The following GRIK3 variants were observed in gnomAD, a reference collection of about 807,000 sequenced individuals.
The protein encoded by GRIK3 is glutamate ionotropic receptor kainate type subunit 3.
Under a neutral mutation model 102.5 loss-of-function variants are expected in GRIK3, and 29 were observed. That is an observed-to-expected ratio of 0.28 (90% CI 0.21 to 0.39). The LOEUF is 0.39. GRIK3 is among the 10% of genes least tolerant of loss of function. The pLI, the probability that GRIK3 is intolerant of heterozygous loss-of-function variation, is 1.00. For missense variants in GRIK3, 908 were observed against 1,252.4 expected, an observed-to-expected ratio of 0.73 and a Z score of 4.15; for synonymous variants, 511 against 504.9, an observed-to-expected ratio of 1.01 and a Z score of -0.16.
chr1:36,874,332 C>T (rs1640888767), intron 3 of GRIK3, among the ~76,000 whole-genome samples: 1 of 152,184 alleles, frequency 6.6e-6, no homozygotes, highest in Admixed American at 6.5e-5. Flanking sequence ...ATGCTCGTAG[C>T]CTAAGCCTCC....
chr1:36,875,121 A>G (rs1300873496), intron 3 of GRIK3, among the ~76,000 whole-genome samples: 1 of 152,230 alleles, frequency 6.6e-6, no homozygotes, highest in Non-Finnish European at 1.5e-5. Context: ...TTTCATTCCA[A>G]TGTTACAGAG....
At chr1:36,899,243 C>T (rs1231100615) in intron 1 of GRIK3, among the ~76,000 whole-genome samples, 1 of 152,068 alleles carries the variant, frequency 6.6e-6, no homozygotes, top group East Asian at 1.9e-4. Flanking sequence ...TAAAATGCAA[C>T]CTATAGAATG....
chr1:36,945,655 T>A (rs747561016), intron 1 of GRIK3, among the ~76,000 whole-genome samples: 1 of 152,124 alleles, frequency 6.6e-6, no homozygotes, highest in Admixed American at 6.5e-5. Flanking sequence ...TAACCAATAT[T>A]CTCCAGCACC....
At chr1:36,941,438 A>G (rs913462473) in intron 1 of GRIK3, among the ~76,000 whole-genome samples, 19 of 152,208 alleles carry the variant, frequency 1.2e-4, no homozygotes, top group Admixed American at 6.5e-4. Flanking sequence ...AAGGGAATCA[A>G]ACAGAAGCCC....
intron 1 of GRIK3, among the ~76,000 whole-genome samples, chr1:37,022,148 C>T (rs1642721668): frequency 6.6e-6 from 1 of 152,192 alleles, no homozygotes; most frequent in Non-Finnish European, 1.5e-5. Context: ...TGCTTTACAC[C>T]AAGCTGTCAT....
At chr1:36,987,961 A>G (rs1168279337) in intron 1 of GRIK3, among the ~76,000 whole-genome samples, 1 of 152,188 alleles carries the variant, frequency 6.6e-6, no homozygotes, top group Non-Finnish European at 1.5e-5. Flanking sequence ...GAAAGTCACC[A>G]GGTCAGAGGG....
intron 11 of GRIK3, 71 bp downstream of exon 11, chr1:36,825,529 TGAG>T (rs1642746113): frequency 1.1e-6 from 1 of 945,238 alleles, no homozygotes; most frequent in Non-Finnish European, 1.6e-6. Context: ...TGCCAGGGGC[TGAG>T]GAGATGAGGA....
chr1:36,960,818 C>T (rs549998681), intron 1 of GRIK3, among the ~76,000 whole-genome samples: 5 of 152,296 alleles, frequency 3.3e-5, no homozygotes, highest in East Asian at 3.9e-4. Flanking sequence ...CCCCACCCTG[C>T]GATGACCAAC....
chr1:36,885,880 A>G (rs1287152057), intron 2 of GRIK3, among the ~76,000 whole-genome samples: 3 of 152,200 alleles, frequency 2.0e-5, no homozygotes, highest in Non-Finnish European at 4.4e-5. Flanking sequence ...GTTCACAGTC[A>G]TTGCAGGAGT....
intron 1 of GRIK3, among the ~76,000 whole-genome samples, chr1:37,007,679 T>C (rs1370043319): frequency 1.3e-5 from 2 of 152,166 alleles, no homozygotes; most frequent in Non-Finnish European, 2.9e-5. Flanking sequence ...TTTTGAGGCG[T>C]TTTCCCAGCA....
At position 36,859,118 on chromosome 1, in the gene GRIK3, A is replaced by T; in HGVS notation, c.1094T>A (p.Phe365Tyr). ...CTGTGGGGCACTCACCTCCTTGATG[A>T]AGTTCATGAAGCGGCCGCCAAAGCG... ...AWRFGGRFMN[F>Y]IKEAQWEGLT... The change falls in exon 7 of 16, where the codon TTC (phenylalanine) becomes TAC (tyrosine). Residue 365 changes from phenylalanine to tyrosine, a missense_variant. Transcript: ENST00000373091. 6.2e-7 allele frequency: 1 copy of T among 1,608,786 alleles called. No homozygotes were observed. The highest frequency in any genetic ancestry group is 1.1e-5 in the South Asian group (1 of 90,696).
At chr1:36,914,695 C>T (rs866566693) in intron 1 of GRIK3, among the ~76,000 whole-genome samples, 26 of 152,194 alleles carry the variant, frequency 1.7e-4, no homozygotes, top group Admixed American at 3.9e-4. Context: ...GAAAGTACAA[C>T]GGTGAAACTA....
At chr1:37,030,556 C>T (rs1045268198) in intron 1 of GRIK3, among the ~76,000 whole-genome samples, 5 of 140,670 alleles carry the variant, frequency 3.6e-5, no homozygotes, top group Non-Finnish European at 7.7e-5. Context: ...CCTCCCCCCC[C>T]CCAACACCTG....
chr1:37,030,651 A>G lies in GRIK3; in HGVS notation c.115+3343T>C, dbSNP rs564051274. On this transcript the variant is annotated intron_variant, in intron 1 of 15. Coordinates refer to ENST00000373091, the MANE Select transcript of GRIK3 (RefSeq NM_000831.4). ...ACCATCCACTTGAGCTCCTCAACAC[A>G]CAGAAGAGCTGGCCAGGCTTCCCCA... Among the ~76,000 whole-genome samples, 52 of 150,160 alleles carry G rather than the reference A, an allele frequency of 3.5e-4. No homozygotes were observed. The East Asian group carries it at 0.01, about 30-fold the overall frequency.
At chr1:36,998,313 C>G (rs747961796) in intron 1 of GRIK3, among the ~76,000 whole-genome samples, 3 of 152,164 alleles carry the variant, frequency 2.0e-5, no homozygotes, top group Non-Finnish European at 4.4e-5. Flanking sequence ...CTTCCCTGAC[C>G]GTGTCCTACT....
At chr1:36,803,568 C>T (rs1046886432) in intron 15 of GRIK3, among the ~76,000 whole-genome samples, 6 of 152,072 alleles carry the variant, frequency 3.9e-5, no homozygotes, top group Admixed American at 3.3e-4. Context: ...GTAGCTGGGA[C>T]TACAGGTGCA....
chr1:36,832,532 G>A (rs1488261399), intron 10 of GRIK3, among the ~76,000 whole-genome samples: 2 of 152,206 alleles, frequency 1.3e-5, no homozygotes, highest in African/African-American at 4.8e-5. Context: ...GGAAACAGGT[G>A]CTAGCCCATT....
Position 36,799,301 on chromosome 1 carries a change from C to T in GRIK3, c.*2550G>A, listed in dbSNP as rs1236274034. 2.0e-5 allele frequency: 3 copies of T among 152,186 alleles called. No individual in the cohort carries two copies. The highest frequency in any genetic ancestry group is 2.9e-5 in the Non-Finnish European group (2 of 68,064). 9.4% of individuals were successfully genotyped at this position (152,186 alleles called of 1,614,324 possible). ...TCCCATGACAGAAGTGCAAACAGAC[C>T]CTGGTGCCCGGCCTTCCTGATTGTC... is the stretch of plus-strand genomic sequence containing the variant. On this transcript the variant is annotated 3_prime_UTR_variant, in exon 16 of 16. Coordinates refer to ENST00000373091, the MANE Select transcript of GRIK3 (RefSeq NM_000831.4).
At chr1:36,814,415 A>G (rs1167580933) in intron 13 of GRIK3, among the ~76,000 whole-genome samples, 4 of 151,866 alleles carry the variant, frequency 2.6e-5, no homozygotes, top group Non-Finnish European at 4.4e-5. Context: ...ACACACATAC[A>G]CATGCAGACA....
Sources: allele counts gnomAD v4.1 joint callset (sites outside exome capture counted in the v4.1 genomes callset), GRCh38; gene constraint gnomAD v4.1.1; transcripts MANE v1.5; gene names NCBI Gene and HGNC (gene_info 2026-07-23, HGNC 2026-07-21).